CEP128: variants seen among roughly 807,000 people sequenced by gnomAD.
CEP128 encodes centrosomal protein 128.
A neutral mutation model predicts 156.7 loss-of-function variants in CEP128; 132 were observed. That is an observed-to-expected ratio of 0.84 (90% CI 0.73 to 0.97). The LOEUF (loss-of-function observed/expected upper bound fraction) is 0.97. Among genes scored for constraint, CEP128 ranks in the 50% least tolerant of loss-of-function variants. CEP128 has a pLI of 0.00. For missense variants in CEP128, 1,252 were observed against 1,281.9 expected (o/e 0.98, Z 0.36); for synonymous variants, 469 against 448.9 (o/e 1.04, Z -0.57).
At chr14:80,917,332 A>G (rs1160299935) in intron 2 of CEP128, among the ~76,000 whole-genome samples, 1 of 152,234 alleles carries the variant, frequency 6.6e-6, no homozygotes, top group Non-Finnish European at 1.5e-5. Flanking sequence ...TGAAGAAACT[A>G]AGTAAGTTCA....
Position 80,784,895 on chromosome 14 carries a change from C to T in CEP128, c.2211G>A (p.Lys737=). The part of the protein sequence containing the change: ...SEAENHIRTL[K]AESLEEKNMA... ...CATCAGGATAATTTAGCAGAGGTAC[C>T]TTCAGAGTCCTGATATGATTCTCAG... The change falls in exon 15 of 25, where the codon AAG becomes AAA. Residue 737 remains lysine (K), a splice_region_variant and synonymous_variant. Coordinates refer to ENST00000555265, the MANE Select transcript of CEP128 (RefSeq NM_152446.5). The T allele has an allele frequency of 6.3e-7, 1 of 1,599,258 alleles. No individual in the cohort carries two copies. Among genetic ancestry groups the T allele is most frequent in the Middle Eastern group, 1.7e-4 (1 of 5,950 alleles).
intron 8 of CEP128, among the ~76,000 whole-genome samples, chr14:80,892,215 T>C (rs950695940): frequency 1.3e-5 from 2 of 151,882 alleles, no homozygotes; most frequent in Non-Finnish European, 2.9e-5. Flanking sequence ...AACAGACACA[T>C]ACACCAATAG....
intron 8 of CEP128, among the ~76,000 whole-genome samples, chr14:80,888,930 A>G (rs1888942483): frequency 6.6e-6 from 1 of 152,204 alleles, no homozygotes; most frequent in African/African-American, 2.4e-5. Context: ...ACTTCAGCAA[A>G]GTCTCAGGAT....
At chr14:80,700,906 C>A (rs1262104283) in intron 19 of CEP128, among the ~76,000 whole-genome samples, 1 of 152,050 alleles carries the variant, frequency 6.6e-6, no homozygotes, top group African/African-American at 2.4e-5. Flanking sequence ...ATAAGGGATA[C>A]CCAAACAGGA....
chr14:80,907,092 A>G (rs1187713822), intron 4 of CEP128, among the ~76,000 whole-genome samples: 1 of 152,232 alleles, frequency 6.6e-6, no homozygotes, highest in African/African-American at 2.4e-5. Flanking sequence ...ATGAGCAGAA[A>G]GAAAGGAGCC....
intron 19 of CEP128, among the ~76,000 whole-genome samples, chr14:80,688,219 A>T (rs1173207345): frequency 6.6e-6 from 1 of 152,174 alleles, no homozygotes; most frequent in African/African-American, 2.4e-5. Context: ...TTTTATTTAA[A>T]ATAGCAACAA....
chr14:80,761,362 A>C, intron 17 of CEP128, 75 bp downstream of exon 17: 1 of 1,128,910 alleles, frequency 8.9e-7, no homozygotes, highest in Non-Finnish European at 1.2e-6. Context: ...TGACTACCAC[A>C]CATGAAAATC....
At chr14:80,746,116 TA>T (rs906610609) in intron 18 of CEP128, among the ~76,000 whole-genome samples, 9 of 152,194 alleles carry the variant, frequency 5.9e-5, no homozygotes, top group Non-Finnish European at 1.3e-4. Context: ...ATATCCTACG[TA>T]AATGGATTGA....
chr14:80,522,162 GTT>G lies in CEP128; in HGVS notation c.3072+4705_3072+4706del, dbSNP rs372400737. Among the ~76,000 whole-genome samples the G allele has an allele frequency of 9.0e-3, 1,374 of 152,234 alleles. 3 individuals carry two copies. The highest frequency in any genetic ancestry group is 0.014 in the Non-Finnish European group (937 of 68,002). ...TATTTACAGTCATTAAAATAAAAAT[GTT>G]TATGCATCACCTACAAACTTGAATT... On this transcript the variant is annotated intron_variant, in intron 23 of 24. Coordinates refer to ENST00000555265, the MANE Select transcript of CEP128 (RefSeq NM_152446.5).
At chr14:80,934,443 A>G (rs1401350755) in intron 2 of CEP128, among the ~76,000 whole-genome samples, 1 of 152,226 alleles carries the variant, frequency 6.6e-6, no homozygotes, top group Non-Finnish European at 1.5e-5. Flanking sequence ...CATCAGAGGT[A>G]CAAACGCGAG....
chr14:80,856,765 C>T (rs1286501525), intron 9 of CEP128, among the ~76,000 whole-genome samples: 1 of 106,644 alleles, frequency 9.4e-6, no homozygotes, highest in Non-Finnish European at 1.7e-5. Flanking sequence ...GGGTCTCAAT[C>T]TGTCACCCAG....
chr14:80,666,588 T>C (rs777189203), intron 19 of CEP128, among the ~76,000 whole-genome samples: 8 of 152,144 alleles, frequency 5.3e-5, no homozygotes, highest in Non-Finnish European at 1.2e-4. Context: ...CCATCACTCA[T>C]TCATTGATTC....
intron 19 of CEP128, among the ~76,000 whole-genome samples, chr14:80,583,600 G>A (rs555222163): frequency 2.0e-5 from 3 of 152,104 alleles, no homozygotes; most frequent in Admixed American, 6.6e-5. Context: ...CTGGTGTTTC[G>A]AAGTCTGTAT....
chr14:80,642,759 C>T (rs1423656457), intron 19 of CEP128, among the ~76,000 whole-genome samples: 1 of 151,796 alleles, frequency 6.6e-6, no homozygotes, highest in Non-Finnish European at 1.5e-5. Context: ...AACTTGACCC[C>T]CTTTTTTTTT....
chr14:80,894,235 C>CA (rs762252654), intron 8 of CEP128, among the ~76,000 whole-genome samples: 46 of 151,894 alleles, frequency 3.0e-4, no homozygotes, highest in Non-Finnish European at 6.3e-4. Context: ...GACAGAACTT[C>CA]AGCAGTTTCC....
chr14:80,558,862 C>A (rs561485852), intron 21 of CEP128, among the ~76,000 whole-genome samples: 6 of 152,156 alleles, frequency 3.9e-5, no homozygotes, highest in Admixed American at 1.3e-4. Flanking sequence ...TTTTGTGACA[C>A]TGGTGAAAAT....
chr14:80,709,162 G>A (rs373019408), intron 19 of CEP128, among the ~76,000 whole-genome samples: 7 of 149,254 alleles, frequency 4.7e-5, no homozygotes, highest in Admixed American at 2.0e-4. Flanking sequence ...TTTTTGAGAC[G>A]GAGTTTCGCT....
Position 80,656,291 on chromosome 14 carries a change from T to TTATA in CEP128, c.2807-75872_2807-75869dup, listed in dbSNP as rs1159139132. ...CCTAAGTTTTTATTTATATATATAT[T>TTATA]TATATATATATATATATATATATAT... On this transcript the variant is annotated intron_variant, in intron 19 of 24. Transcript: ENST00000555265. Among the ~76,000 whole-genome samples the TTATA allele has an allele frequency of 1.1e-3, 27 of 25,686 alleles. 1 individual carries two copies. Among genetic ancestry groups the TTATA allele is most frequent in the Middle Eastern group, 0.033 (1 of 30 alleles). 16.9% of individuals were successfully genotyped at this position (25,686 alleles called of 152,430 possible). A position where few individuals can be genotyped will look rare whatever the true frequency, so the allele number is the denominator to read the frequency against.
intron 9 of CEP128, among the ~76,000 whole-genome samples, chr14:80,853,811 G>T (rs1276015628): frequency 6.6e-6 from 1 of 151,866 alleles, no homozygotes; most frequent in Non-Finnish European, 1.5e-5. Context: ...CAAATCAATG[G>T]CAAAGCATAT....
Sources: gnomAD v4.1 joint callset for allele counts (sites outside exome capture counted in the v4.1 genomes callset) on GRCh38, gnomAD v4.1.1 for gene constraint, MANE v1.5 for transcripts, NCBI Gene and HGNC (gene_info 2026-07-23, HGNC 2026-07-21) for gene names.